TNPO3: variants seen among roughly 807,000 people sequenced by gnomAD.
TNPO3 encodes the protein transportin 3.
Under a neutral mutation model 122.8 loss-of-function variants are expected in TNPO3, and 65 were observed. That is an observed-to-expected ratio of 0.53 (90% confidence interval 0.43 to 0.65). The LOEUF (loss-of-function observed/expected upper bound fraction) is 0.65. Among genes scored for constraint, TNPO3 ranks in the 30% least tolerant of loss-of-function variants. The pLI is 0.00. For synonymous variants in TNPO3, 372 were observed against 411.2 expected (o/e 0.90, Z 1.15); for missense variants, 850 against 1,136.7 (o/e 0.75, Z 3.63).
rs1338377207 is a variant in TNPO3, at chr7:129,001,217, C to T, written c.714G>A (p.Ser238=). The change falls in exon 6 of 23, where the codon TCG becomes TCA. Residue 238 remains serine (S), a synonymous_variant. Coordinates refer to ENST00000265388, the MANE Select transcript of TNPO3 (RefSeq NM_012470.4). ...CCGAAGCAGCTTCATGTAGGTTAGA[C>T]GAGGTCTTATCCTGTTGCTGGGGAG... is the stretch of plus-strand genomic sequence containing the variant. ...LFEVLQQDKT[S]SNLHEAASDC... is the part of the protein sequence containing the mutation. 7.4e-6 allele frequency: 12 copies of T among 1,611,616 alleles called. No individual in the cohort carries two copies. Among genetic ancestry groups the T allele is most frequent in the East Asian group, 4.5e-5 (2 of 44,864 alleles).
At chr7:129,017,149 A>G in intron 2 of TNPO3, 93 bp from the exon 3 acceptor site, 1 of 1,206,254 alleles carries the variant, frequency 8.3e-7, no homozygotes, top group Non-Finnish European at 1.2e-6. Flanking sequence ...TTTCTTCCAA[A>G]CAATATGACA....
intron 7 of TNPO3, among the ~76,000 whole-genome samples, chr7:129,000,004 G>A (rs989532388): frequency 3.3e-5 from 5 of 152,286 alleles, no homozygotes; most frequent in East Asian, 1.9e-4. Flanking sequence ...AGGATGTCAA[G>A]GATTCTGAAT....
At chr7:129,000,980 G>T in intron 6 of TNPO3, 79 bp downstream of exon 6, 2 of 1,470,290 alleles carry the variant, frequency 1.4e-6, no homozygotes, top group South Asian at 2.5e-5. Flanking sequence ...ACAAATGACA[G>T]ACGAATAATA....
intron 4 of TNPO3, among the ~76,000 whole-genome samples, chr7:129,011,870 T>C (rs981231323): frequency 3.9e-5 from 6 of 152,314 alleles, no homozygotes; most frequent in Non-Finnish European, 4.4e-5. Flanking sequence ...CTCCAGATGG[T>C]TTGAGTGAAA....
upstream of TNPO3, chr7:129,055,336 C>G (rs1206720895): frequency 6.4e-6 from 1 of 156,076 alleles, no homozygotes; most frequent in Non-Finnish European, 1.4e-5. Flanking sequence ...GCCTTCAGCT[C>G]CTTGGAAACG....
chr7:128,971,669 T>G (rs1239641258), intron 19 of TNPO3, among the ~76,000 whole-genome samples: 4 of 152,194 alleles, frequency 2.6e-5, no homozygotes, highest in Non-Finnish European at 5.9e-5. Flanking sequence ...GTGAAGCACT[T>G]TACTACTCCC....
chr7:129,000,976 G>C, intron 6 of TNPO3, 83 bp downstream of exon 6: 1 of 1,449,628 alleles, frequency 6.9e-7, no homozygotes, highest in Non-Finnish European at 9.5e-7. Context: ...AATCACAAAT[G>C]ACAGACGAAT....
intron 4 of TNPO3, among the ~76,000 whole-genome samples, chr7:129,012,526 C>CA (rs1803335637): frequency 6.6e-6 from 1 of 152,162 alleles, no homozygotes; most frequent in Non-Finnish European, 1.5e-5. Flanking sequence ...TGGAGCATTT[C>CA]AGATTAGGAA....
chr7:128,982,917 G>C (rs1390709286), intron 13 of TNPO3, among the ~76,000 whole-genome samples: 1 of 152,110 alleles, frequency 6.6e-6, no homozygotes, highest in African/African-American at 2.4e-5. Context: ...TATCCTTTAA[G>C]GAAACATGGT....
intron 1 of TNPO3, among the ~76,000 whole-genome samples, chr7:129,033,642 G>A (rs1030459231): frequency 8.1e-4 from 123 of 152,156 alleles, no homozygotes; most frequent in East Asian, 1.4e-3. Context: ...AAACAGGGCC[G>A]GGCACAGTGG....
intron 1 of TNPO3, among the ~76,000 whole-genome samples, chr7:129,045,988 A>T (rs371634851): frequency 1.1e-4 from 16 of 152,112 alleles, no homozygotes; most frequent in African/African-American, 3.9e-4. Flanking sequence ...TCACGAGATC[A>T]GGAGATTGAG....
intron 12 of TNPO3, among the ~76,000 whole-genome samples, chr7:128,984,772 TG>T (rs1799975852): frequency 6.6e-6 from 1 of 152,250 alleles, no homozygotes; most frequent in Admixed American, 6.5e-5. Context: ...AGTTTCTTTA[TG>T]AAATAAGTGA....
chr7:129,027,788 C>T (rs1805432142), intron 1 of TNPO3, among the ~76,000 whole-genome samples: 1 of 152,030 alleles, frequency 6.6e-6, no homozygotes, highest in Non-Finnish European at 1.5e-5. Context: ...CTGAAGGGCT[C>T]TGGACAGCCT....
At chr7:129,011,300 G>A (rs1444740034) in intron 4 of TNPO3, among the ~76,000 whole-genome samples, 3 of 152,112 alleles carry the variant, frequency 2.0e-5, no homozygotes, top group Non-Finnish European at 4.4e-5. Flanking sequence ...CCTGATACAA[G>A]GCATAGTTAC....
rs536782300 is a variant in TNPO3, at chr7:128,971,624, C to T, written c.2430+802G>A. Among the ~76,000 whole-genome samples the T allele has an allele frequency of 3.0e-4, 45 of 152,362 alleles. 1 individual carries two copies. Among genetic ancestry groups the T allele is most frequent in the South Asian group, 2.7e-3 (13 of 4,832 alleles). On this transcript the variant is annotated intron_variant, in intron 19 of 22. Coordinates refer to ENST00000265388, the MANE Select transcript of TNPO3 (RefSeq NM_012470.4). ...CTGCTCTCCCCTGTCTACAATTCTA[C>T]TCCACATCTAATCAAACCTACCTTC...
chr7:129,050,219 T>C (rs1451419507), intron 1 of TNPO3, among the ~76,000 whole-genome samples: 2 of 151,308 alleles, frequency 1.3e-5, no homozygotes, highest in East Asian at 3.9e-4. Context: ...TTGTCTCTAC[T>C]AAAAAATACA....
At chr7:128,983,850 C>T (rs1486146822) in intron 13 of TNPO3, among the ~76,000 whole-genome samples, 1 of 152,214 alleles carries the variant, frequency 6.6e-6, no homozygotes, top group Non-Finnish European at 1.5e-5. Context: ...AATCCCACCA[C>T]CTCAAGCACA....
Position 128,979,992 on chromosome 7 carries a change from C to T in TNPO3, c.1899G>A (p.Pro633=), listed in dbSNP as rs747905488. Residue 633 remains proline (P), a synonymous_variant, in exon 15 of 23, where the codon CCG becomes CCA. Coordinates refer to ENST00000265388, the MANE Select transcript of TNPO3 (RefSeq NM_012470.4). The part of the protein sequence containing the change: ...NPIVENGQTH[P]CQKVIQEIWP... ...TTACTTCCTGTATGACTTTCTGACA[C>T]GGATGAGTCTGTCCATTTTCCACAA... The T allele has an allele frequency of 6.8e-6, 11 of 1,614,056 alleles. No individual in the cohort carries two copies. The highest frequency in any genetic ancestry group is 2.2e-5 in the East Asian group (1 of 44,874).
chr7:128,972,443 TATGA>T lies in TNPO3; in HGVS notation c.2409_2412del (p.His804GlnfsTer3). The T allele has an allele frequency of 6.2e-7, 1 of 1,613,668 alleles. No individual in the cohort carries two copies. Among genetic ancestry groups the T allele is most frequent in the Non-Finnish European group, 8.5e-7 (1 of 1,179,860 alleles). The stretch of plus-strand genomic sequence containing the variant: ...ATACTTACATCATTGGCTACCCCTG[TATGA>T]ATGAGGTCTCGTAGAAACCTCATGA... On this transcript the variant is annotated frameshift_variant, in exon 19 of 23. Transcript: ENST00000265388. LOFTEE classifies it high-confidence loss of function.
Sources: gnomAD v4.1 joint callset for allele counts (sites outside exome capture counted in the v4.1 genomes callset) on GRCh38, gnomAD v4.1.1 for gene constraint, MANE v1.5 for transcripts, NCBI Gene and HGNC (gene_info 2026-07-23, HGNC 2026-07-21) for gene names.